The following CCDC28A variants were observed in gnomAD, a reference collection of about 807,000 sequenced individuals.
The protein encoded by CCDC28A is coiled-coil domain-containing protein 28A.
In CCDC28A, 24 loss-of-function variants were observed where a neutral mutation model predicts 22.1. That is an observed-to-expected ratio of 1.09 (90% CI 0.79 to 1.53). The LOEUF (loss-of-function observed/expected upper bound fraction) is 1.53. Among genes scored for constraint, CCDC28A ranks in the 40% most tolerant of loss-of-function variants. The pLI, the probability that CCDC28A is intolerant of heterozygous loss-of-function variation, is 0.00. For missense variants in CCDC28A, 170 were observed against 210.7 expected (o/e 0.81, Z 1.20); for synonymous variants, 83 against 74.7 (o/e 1.11, Z -0.57).
chr6:138,785,482 G>A, intron 4 of CCDC28A, 101 bp downstream of exon 4: 1 of 830,238 alleles, frequency 1.2e-6, no homozygotes, highest in Non-Finnish European at 1.9e-6. Flanking sequence ...GTGGTTGCTA[G>A]CGTATTCACA....
intron 3 of CCDC28A, among the ~76,000 whole-genome samples, chr6:138,783,856 C>T (rs1333326855): frequency 1.3e-5 from 2 of 151,436 alleles, no homozygotes; most frequent in Non-Finnish European, 2.9e-5. Flanking sequence ...AGGCGTGAGC[C>T]ACCATGCCCA....
chr6:138,792,456 A>C (rs1309067915), intron 5 of CCDC28A, among the ~76,000 whole-genome samples: 1 of 152,166 alleles, frequency 6.6e-6, no homozygotes, highest in Non-Finnish European at 1.5e-5. Flanking sequence ...CAGGAGTTCA[A>C]GGCTACAGTG....
At chr6:138,789,187 G>T (rs1401246156) in intron 5 of CCDC28A, among the ~76,000 whole-genome samples, 1 of 152,140 alleles carries the variant, frequency 6.6e-6, no homozygotes, top group African/African-American at 2.4e-5. Flanking sequence ...ATGTATTTTT[G>T]AACATAACAG....
intron 4 of CCDC28A, among the ~76,000 whole-genome samples, chr6:138,785,588 C>A (rs1407368704): frequency 6.6e-6 from 1 of 152,172 alleles, no homozygotes; most frequent in Non-Finnish European, 1.5e-5. Flanking sequence ...CTAGCAACCC[C>A]TAATCTACTT....
At chr6:138,787,213 G>A (rs1422727410) in intron 4 of CCDC28A, among the ~76,000 whole-genome samples, 1 of 152,176 alleles carries the variant, frequency 6.6e-6, no homozygotes, top group African/African-American at 2.4e-5. Context: ...GGTAGGAGGA[G>A]ATGGGGCCTT....
At chr6:138,785,574 TCCC>T (rs1320080062) in intron 4 of CCDC28A, among the ~76,000 whole-genome samples, 193 bp downstream of exon 4, 2 of 152,194 alleles carry the variant, frequency 1.3e-5, no homozygotes, top group African/African-American at 4.8e-5. Flanking sequence ...TCTCTCCTCA[TCCC>T]CTAGCAACCC....
Position 138,779,954 on chromosome 6 carries a change from T to G in CCDC28A, c.291T>G (p.Asn97Lys). The G allele has an allele frequency of 6.2e-7, 1 of 1,611,800 alleles. No homozygotes were observed. Among genetic ancestry groups the G allele is most frequent in the South Asian group, 1.1e-5 (1 of 90,528 alleles). Reference protein sequence around the residue: ...EMERGLLSLLNDFHSGKLQAF... With the variant: ...EMERGLLSLLKDFHSGKLQAF... ...AGAGAGGGCTGCTCAGTCTTTTGAA[T>G]GATTTCCACTCTGGAAAACTTCAAG... Residue 97 changes from asparagine to lysine, a missense_variant, in exon 3 of 6, where the codon AAT (asparagine) becomes AAG (lysine). Asn to Lys is a moderately conservative substitution (Grantham distance 94). Transcript: ENST00000617445.
intron 5 of CCDC28A, 56 bp downstream of exon 5, chr6:138,788,444 A>G (rs1775124539): frequency 3.5e-6 from 3 of 850,734 alleles, no homozygotes; most frequent in African/African-American, 3.5e-5. Flanking sequence ...TTTCTGGTGA[A>G]TAATCTCGAT....
In CCDC28A at chr6:138,793,297, A is replaced by G. The variant is rs1775203090; in HGVS notation, c.*494A>G. The G allele has an allele frequency of 6.5e-6, 1 of 153,948 alleles. No homozygotes were observed. 9.5% of individuals were successfully genotyped at this position (153,948 alleles called of 1,614,324 possible). ...TATTTGTGAGATTTGCTATTTTTTA[A>G]TAAAGTAATTGTTTTAAATTAATCT... On this transcript the variant is annotated 3_prime_UTR_variant, in exon 6 of 6. Coordinates refer to ENST00000617445, the MANE Select transcript of CCDC28A (RefSeq NM_015439.3).
chr6:138,784,345 CTCTTT>C (rs1775061798), intron 3 of CCDC28A, among the ~76,000 whole-genome samples: 1 of 138,240 alleles, frequency 7.2e-6, no homozygotes, highest in Admixed American at 7.1e-5. Flanking sequence ...ATTTTCTTTT[CTCTTT>C]TTCTTTTTTT....
At chr6:138,790,794 C>T (rs1775159221) in intron 5 of CCDC28A, among the ~76,000 whole-genome samples, 1 of 152,218 alleles carries the variant, frequency 6.6e-6, no homozygotes, top group African/African-American at 2.4e-5. Context: ...ACATGGCATT[C>T]TCTGCCATTG....
chr6:138,778,645 C>G (rs75819234), intron 2 of CCDC28A, among the ~76,000 whole-genome samples: 1,731 of 151,726 alleles, frequency 0.011, 26 homozygotes, highest in African/African-American at 0.04. Flanking sequence ...AGGATTAGCA[C>G]GTAAGAAGAT....
At chr6:138,777,169 C>T (rs1017159735) in intron 2 of CCDC28A, among the ~76,000 whole-genome samples, 1 of 152,202 alleles carries the variant, frequency 6.6e-6, no homozygotes, top group East Asian at 1.9e-4. Flanking sequence ...TCCAATCTCA[C>T]CCTGGCAAGT....
chr6:138,793,101 T>G lies in CCDC28A; in HGVS notation c.*298T>G. On this transcript the variant is annotated 3_prime_UTR_variant, in exon 6 of 6. Coordinates refer to ENST00000617445, the MANE Select transcript of CCDC28A (RefSeq NM_015439.3). ...TTGAAATGCATTGTGCTGATGTTCT[T>G]GACAGGGCGGAGGGATTTCTCTTTC... 1 of 329,718 alleles carries G rather than the reference T, an allele frequency of 3.0e-6. No individual in the cohort carries two copies. The highest frequency in any genetic ancestry group is 5.7e-6 in the Non-Finnish European group (1 of 173,918). 20.4% of individuals were successfully genotyped at this position (329,718 alleles called of 1,614,324 possible). A position where few individuals can be genotyped will look rare whatever the true frequency, so the allele number is the denominator to read the frequency against.
chr6:138,778,216 G>A (rs72985043), intron 2 of CCDC28A, among the ~76,000 whole-genome samples: 4,277 of 152,182 alleles, frequency 0.028, 99 homozygotes, highest in Non-Finnish European at 0.041. Flanking sequence ...GAGGACAGCT[G>A]TGTTGAAGAT....
rs192808991 is a variant in CCDC28A, at chr6:138,781,338, C to T, written c.322+1353C>T. ...TATTGAGAGGCATTACTTTGTTTCT[C>T]ATTTTGAGCCACCAAACACAATGGC... On this transcript the variant is annotated intron_variant, in intron 3 of 5. Coordinates refer to ENST00000617445, the MANE Select transcript of CCDC28A (RefSeq NM_015439.3). Among the ~76,000 whole-genome samples, 86 of 152,278 alleles carry T rather than the reference C, an allele frequency of 5.6e-4. No homozygotes were observed. The East Asian group carries it at 8.7e-3, about 15-fold the overall frequency.
rs768445271 is a variant in CCDC28A, at chr6:138,780,043, C to T, written c.322+58C>T. On this transcript the variant is annotated intron_variant, in intron 3 of 5. Coordinates refer to ENST00000617445, the MANE Select transcript of CCDC28A (RefSeq NM_015439.3). Reference sequence around the variant, plus strand: ...CTCTAAGATGTTTGCATCCTGTTTTCTGTGTGTATTTTACTCTTCTTTTCA... The same window carrying T: ...CTCTAAGATGTTTGCATCCTGTTTTTTGTGTGTATTTTACTCTTCTTTTCA... 2.3e-4 allele frequency: 301 copies of T among 1,325,866 alleles called. 1 individual carries two copies. The highest frequency in any genetic ancestry group is 2.8e-4 in the Non-Finnish European group (271 of 977,322). 82.1% of individuals were successfully genotyped at this position (1,325,866 alleles called of 1,614,324 possible).
intron 2 of CCDC28A, among the ~76,000 whole-genome samples, chr6:138,778,023 A>G (rs962691775): frequency 6.6e-6 from 1 of 152,296 alleles, no homozygotes; most frequent in East Asian, 1.9e-4. Flanking sequence ...ACTTTGAGTA[A>G]CAAGGTATTA....
In CCDC28A at chr6:138,773,953, C is replaced by G. The variant is rs369622495; in HGVS notation, c.-43+51C>G. On this transcript the variant is annotated intron_variant, in intron 1 of 5. Transcript: ENST00000617445. ...CCGCAACCTGCCCCTTTAGGCCCTT[C>G]CCACCACTCTGGTCACTGCTGGGTA... 2.3e-5 allele frequency: 36 copies of G among 1,596,704 alleles called. No individual in the cohort carries two copies. In the African/African-American group the frequency reaches 2.5e-4, roughly 11 times the overall value.
Sources: allele counts gnomAD v4.1 joint callset (sites outside exome capture counted in the v4.1 genomes callset), GRCh38; gene constraint gnomAD v4.1.1; transcripts MANE v1.5; gene names NCBI Gene and HGNC (gene_info 2026-07-23, HGNC 2026-07-21).